Variants in FAM161A observed in about 807,000 individuals in gnomAD.
FAM161A encodes the protein protein FAM161A.
Under a neutral mutation model 70.9 loss-of-function variants are expected in FAM161A, and 57 were observed. That is an observed-to-expected ratio of 0.80 (90% confidence interval 0.65 to 1.00). The LOEUF is 1.00. Ranked by LOEUF, FAM161A falls within the 50% of genes least tolerant of loss-of-function variation. FAM161A has a pLI of 0.00. For missense variants in FAM161A, 880 were observed against 836.0 expected (o/e 1.05, Z -0.65); for synonymous variants, 299 against 295.7 (o/e 1.01, Z -0.12).
downstream of FAM161A, among the ~76,000 whole-genome samples, chr2:61,821,138 G>A (rs959091929): frequency 3.3e-5 from 5 of 150,298 alleles, no homozygotes; most frequent in African/African-American, 1.2e-4. Context: ...CTGCAACCTC[G>A]GCCTCCCGGG....
downstream of FAM161A, chr2:61,820,439 G>A (rs1230338466): frequency 6.6e-6 from 5 of 756,376 alleles, no homozygotes; most frequent in African/African-American, 8.5e-5. Flanking sequence ...AAGGTGGATG[G>A]GAGAGCTGTG....
the FAM161A span, chr2:61,803,386 A>T: frequency 5.7e-6 from 4 of 697,430 alleles, no homozygotes. Context: ...GACCTCAAGA[A>T]AGCAACAAAA....
rs1672965676 is a variant in FAM161A at position 61,840,255 on chromosome 2, T to C, written c.749A>G (p.Lys250Arg). The change falls in exon 3 of 7, where the codon AAG becomes AGG. Residue 250 changes from lysine to arginine, a missense_variant. Coordinates refer to ENST00000404929, the MANE Select transcript of FAM161A (RefSeq NM_001201543.2). ...EPFQMMIREQKKKEESMKSKS... is the reference protein window; with the variant it reads ...EPFQMMIREQRKKEESMKSKS... ...AGATTTCATGGACTCTTCTTTTTTC[T>C]TCTGTTCTCTTATCATCATTTGAAA... 6.2e-7 allele frequency: 1 copy of C among 1,614,084 alleles called. No individual in the cohort carries two copies. Among genetic ancestry groups the C allele is most frequent in the Middle Eastern group, 1.6e-4 (1 of 6,062 alleles).
downstream of FAM161A, among the ~76,000 whole-genome samples, chr2:61,823,783 G>C (rs886230583): frequency 6.6e-6 from 1 of 151,836 alleles, no homozygotes. Context: ...AAGTAATAGG[G>C]TACCCAGTAA....
chr2:61,834,312 G>T (rs546187414), intron 5 of FAM161A, among the ~76,000 whole-genome samples: 1 of 152,222 alleles, frequency 6.6e-6, no homozygotes, highest in East Asian at 1.9e-4. Context: ...GGGTACACAT[G>T]GAAATAAAGA....
Position 61,849,799 on chromosome 2 carries a change from A to AG in FAM161A, c.183+4059_183+4060insC, listed in dbSNP as rs1553357333. 4.5e-3 allele frequency among the ~76,000 whole-genome samples: 679 copies of AG among 151,748 alleles called. 3 individuals are homozygous for AG. The highest frequency in any genetic ancestry group is 0.016 in the African/African-American group (660 of 41,290). ...ACTCCATCACAAAAAAAAAAAAAAA[A>AG]AGAGAATGAAATCATGTCCTTCACA... On this transcript the variant is annotated intron_variant, in intron 1 of 6. Coordinates refer to ENST00000404929, the MANE Select transcript of FAM161A (RefSeq NM_001201543.2).
chr2:61,829,983 A>AT, intron 5 of FAM161A, among the ~76,000 whole-genome samples: 1 of 152,250 alleles, frequency 6.6e-6, no homozygotes, highest in South Asian at 2.1e-4. Flanking sequence ...TGTACTAAAA[A>AT]AAAAAAGCAA....
chr2:61,834,456 C>A (rs943958300), intron 5 of FAM161A, among the ~76,000 whole-genome samples: 7 of 151,094 alleles, frequency 4.6e-5, no homozygotes, highest in Non-Finnish European at 7.4e-5. Context: ...CCAGCTCACA[C>A]AATATACCCT....
intron 3 of FAM161A, among the ~76,000 whole-genome samples, chr2:61,839,206 C>G (rs1672899724): frequency 6.6e-6 from 1 of 151,942 alleles, no homozygotes; most frequent in Non-Finnish European, 1.5e-5. Flanking sequence ...AATCTTAAGA[C>G]TATTATTTTC....
chr2:61,832,672 T>C (rs1286271464), intron 5 of FAM161A, among the ~76,000 whole-genome samples: 1 of 152,198 alleles, frequency 6.6e-6, no homozygotes, highest in Admixed American at 6.5e-5. Context: ...CCCTGCCTCC[T>C]ACAGCGTTAG....
chr2:61,843,850 T>C (rs1360564047), intron 1 of FAM161A, among the ~76,000 whole-genome samples: 1 of 152,050 alleles, frequency 6.6e-6, no homozygotes, highest in South Asian at 2.1e-4. Flanking sequence ...TTTTAAAAAA[T>C]CAGTCTTCAG....
chr2:61,816,656 C>T, the FAM161A span, among the ~76,000 whole-genome samples: 34 of 151,722 alleles, frequency 2.2e-4, no homozygotes, highest in South Asian at 2.1e-4. Context: ...GACGGCGGGG[C>T]GGGGGGGTCT....
rs1672950044 is a variant in FAM161A, at chr2:61,840,043, A to C, written c.961T>G (p.Ser321Ala). 6.2e-7 allele frequency: 1 copy of C among 1,614,122 alleles called. No individual in the cohort carries two copies. The highest frequency in any genetic ancestry group is 8.5e-7 in the Non-Finnish European group (1 of 1,180,024). ...KEKSKEALLA[S>A]QKPFKFIARE... ...GCTATAAATTTAAATGGCTTTTGTG[A>C]GGCCAAAAGAGCTTCTTTGCTTTTC... Residue 321 changes from serine to alanine, a missense_variant, in exon 3 of 7, where the codon TCA (serine) becomes GCA (alanine). Physicochemically the swap from Ser to Ala is moderately conservative, Grantham distance 99 (BLOSUM62 1). Transcript: ENST00000404929.
At chr2:61,851,714 G>A (rs1407547633) in intron 1 of FAM161A, among the ~76,000 whole-genome samples, 2 of 150,274 alleles carry the variant, frequency 1.3e-5, no homozygotes, top group Non-Finnish European at 2.9e-5. Context: ...TAGATTCAAG[G>A]AACAGGCATC....
At chr2:61,836,855 T>A (rs1389462060) in intron 4 of FAM161A, 3 of 249,814 alleles carry the variant, frequency 1.2e-5, no homozygotes, top group Admixed American at 1.1e-4. Context: ...ATTACAGGCA[T>A]GAGCCATTGC....
At chr2:61,850,266 C>T (rs1558494076) in intron 1 of FAM161A, among the ~76,000 whole-genome samples, 1 of 151,492 alleles carries the variant, frequency 6.6e-6, no homozygotes, top group Admixed American at 6.6e-5. Context: ...CGTGGTGGCA[C>T]ACGCCTGTAA....
chr2:61,849,733 C>G (rs927333420), intron 1 of FAM161A, among the ~76,000 whole-genome samples: 2 of 146,580 alleles, frequency 1.4e-5, no homozygotes, highest in Non-Finnish European at 3.0e-5. Context: ...CTCATTGAGC[C>G]GAGATTGTGC....
chr2:61,803,105 C>G, the FAM161A span: 1 of 410,076 alleles, frequency 2.4e-6, no homozygotes. Context: ...CAGTAACTAT[C>G]CTAACTAGAA....
chr2:61,823,086 G>C (rs1672239841), downstream of FAM161A, among the ~76,000 whole-genome samples: 1 of 150,884 alleles, frequency 6.6e-6, no homozygotes, highest in Non-Finnish European at 1.5e-5. Flanking sequence ...TGTAATCCCA[G>C]CACTTTGGGA....
Sources: gnomAD v4.1 joint callset for allele counts (sites outside exome capture counted in the v4.1 genomes callset) on GRCh38, gnomAD v4.1.1 for gene constraint, MANE v1.5 for transcripts, NCBI Gene and HGNC (gene_info 2026-07-23, HGNC 2026-07-21) for gene names.